The following DOCK3 variants were observed in gnomAD, a reference collection of about 807,000 sequenced individuals.
The protein encoded by DOCK3 is dedicator of cytokinesis protein 3.
In DOCK3, 60 loss-of-function variants were observed where a neutral mutation model predicts 265.6. The observed-to-expected ratio is 0.23, with a 90% CI of 0.18 to 0.28. The LOEUF is 0.28. DOCK3 is among the 10% of genes least tolerant of loss of function. DOCK3 has a pLI of 1.00. For synonymous variants in DOCK3, 881 were observed against 938.0 expected (o/e 0.94, Z 1.11); for missense variants, 1,981 against 2,594.3 (o/e 0.76, Z 5.14).
chr3:50,962,808 C>T (rs1399512428), intron 5 of DOCK3, among the ~76,000 whole-genome samples: 1 of 152,216 alleles, frequency 6.6e-6, no homozygotes, highest in African/African-American at 2.4e-5. Flanking sequence ...CAACCATATG[C>T]AGCGTATGTA....
At chr3:50,945,817 T>C (rs2076411109) in intron 5 of DOCK3, among the ~76,000 whole-genome samples, 1 of 152,160 alleles carries the variant, frequency 6.6e-6, no homozygotes, top group African/African-American at 2.4e-5. Flanking sequence ...GAAACAGATT[T>C]CCTGAATTCA....
chr3:51,033,962 T>A (rs2080154008), intron 5 of DOCK3, among the ~76,000 whole-genome samples: 1 of 152,214 alleles, frequency 6.6e-6, no homozygotes, highest in South Asian at 2.1e-4. Context: ...TTGATGTTTG[T>A]TCTTTTTTCA....
chr3:50,758,578 T>TA (rs922070810), intron 1 of DOCK3, among the ~76,000 whole-genome samples: 4 of 152,240 alleles, frequency 2.6e-5, no homozygotes, highest in Admixed American at 2.6e-4. Flanking sequence ...ATCAAGTACA[T>TA]ACATACTGTT....
At chr3:50,920,035 T>C (rs1281255690) in intron 4 of DOCK3, among the ~76,000 whole-genome samples, 1 of 152,222 alleles carries the variant, frequency 6.6e-6, no homozygotes, top group Admixed American at 6.5e-5. Flanking sequence ...TGGTTCTGTT[T>C]ATATGATGGA....
chr3:51,258,015 A>G (rs991695656), intron 22 of DOCK3, among the ~76,000 whole-genome samples: 1 of 152,174 alleles, frequency 6.6e-6, no homozygotes, highest in Admixed American at 6.5e-5. Context: ...CCAGGTTTTC[A>G]TGGAGACTTC....
chr3:51,143,133 T>C (rs1460333391), intron 9 of DOCK3, among the ~76,000 whole-genome samples: 4 of 152,054 alleles, frequency 2.6e-5, no homozygotes, highest in Non-Finnish European at 4.4e-5. Flanking sequence ...GTGATCTGCC[T>C]GCCTCGGCCT....
At chr3:51,218,667 T>C (rs530349348) in intron 14 of DOCK3, among the ~76,000 whole-genome samples, 1 of 152,242 alleles carries the variant, frequency 6.6e-6, no homozygotes, top group Non-Finnish European at 1.5e-5. Context: ...AGGTTATCAT[T>C]GATTGTAGGT....
intron 3 of DOCK3, among the ~76,000 whole-genome samples, chr3:50,868,523 A>C (rs1301423234): frequency 6.6e-6 from 1 of 151,730 alleles, no homozygotes; most frequent in African/African-American, 2.4e-5. Flanking sequence ...ACAGGCACAC[A>C]CCATCACACC....
At chr3:50,727,067 G>C (rs1373390876) in intron 1 of DOCK3, among the ~76,000 whole-genome samples, 1 of 146,904 alleles carries the variant, frequency 6.8e-6, no homozygotes, top group Non-Finnish European at 1.5e-5. Context: ...AACAGAGGAG[G>C]CACAGAAGAA....
chr3:51,006,697 A>G (rs1194811937), intron 5 of DOCK3, among the ~76,000 whole-genome samples: 1 of 152,094 alleles, frequency 6.6e-6, no homozygotes, highest in African/African-American at 2.4e-5. Context: ...ATATGTATAC[A>G]TGTGCTGTGT....
At chr3:51,366,130 G>T (rs1376814776) in intron 49 of DOCK3, among the ~76,000 whole-genome samples, 7 of 152,032 alleles carry the variant, frequency 4.6e-5, no homozygotes, top group Non-Finnish European at 8.8e-5. Flanking sequence ...ACTTTTTTTG[G>T]TTGGGAGGCT....
At position 51,237,503 on chromosome 3, in the gene DOCK3, A is replaced by T. The variant is rs762778994; in HGVS notation, c.2015A>T (p.Asn672Ile). ...LVFQSLVFII[N>I]LLRDIKYFHF... The stretch of plus-strand genomic sequence containing the variant: ...CATATCTCCCAGGTGTTCATCATCA[A>T]CCTGCTCCGAGACATCAAGTATTTT... The change falls in exon 21 of 53, where the codon AAC becomes ATC. Residue 672 changes from asparagine to isoleucine, a missense_variant. Physicochemically the swap from Asn to Ile is moderately radical, Grantham distance 149. Transcript: ENST00000266037. The T allele has an allele frequency of 2.5e-6, 4 of 1,613,504 alleles. No homozygotes were observed. In the East Asian group the frequency reaches 8.9e-5, roughly 36 times the overall value.
intron 5 of DOCK3, among the ~76,000 whole-genome samples, chr3:50,982,143 C>G (rs2077717680): frequency 6.6e-6 from 1 of 152,164 alleles, no homozygotes; most frequent in African/African-American, 2.4e-5. Flanking sequence ...ACCACTGCCC[C>G]TGGCCTTAGT....
At chr3:51,191,029 C>T (rs1479898428) in intron 12 of DOCK3, among the ~76,000 whole-genome samples, 2 of 152,194 alleles carry the variant, frequency 1.3e-5, no homozygotes, top group Non-Finnish European at 2.9e-5. Flanking sequence ...CCAGCTCTTA[C>T]ATAGTTGGCA....
At chr3:50,826,696 G>C (rs557811457) in intron 2 of DOCK3, among the ~76,000 whole-genome samples, 2 of 152,104 alleles carry the variant, frequency 1.3e-5, no homozygotes, top group Non-Finnish European at 2.9e-5. Flanking sequence ...TGTGAAACAG[G>C]AACTGGATAC....
At chr3:50,774,406 T>A (rs2108492680) in intron 1 of DOCK3, among the ~76,000 whole-genome samples, 1 of 152,190 alleles carries the variant, frequency 6.6e-6, no homozygotes, top group South Asian at 2.1e-4. Flanking sequence ...TATAGCTTCT[T>A]GTGTAGAGTT....
At chr3:50,683,465 A>G (rs2034553883) in intron 1 of DOCK3, among the ~76,000 whole-genome samples, 1 of 152,170 alleles carries the variant, frequency 6.6e-6, no homozygotes, top group Admixed American at 6.5e-5. Context: ...ATTGTCCTAG[A>G]GGGGAATTAT....
intron 10 of DOCK3, among the ~76,000 whole-genome samples, chr3:51,149,325 C>CTTTATTTCTTTCTTTA: frequency 6.6e-6 from 1 of 152,216 alleles, no homozygotes; most frequent in South Asian, 2.1e-4. Flanking sequence ...ATTCAGTACC[C>CTTTATTTCTTTCTTTA]TTTATTTCTT....
At chr3:50,773,686 TACACCTTTGATCTTAG>T (rs1225041804) in intron 1 of DOCK3, among the ~76,000 whole-genome samples, 1 of 152,140 alleles carries the variant, frequency 6.6e-6, no homozygotes, top group Non-Finnish European at 1.5e-5. Context: ...AAGCTTAGAA[TACACCTTTGATCTTAG>T]ACAGCTATAT....
Sources: gnomAD v4.1 joint callset for allele counts (sites outside exome capture counted in the v4.1 genomes callset) on GRCh38, gnomAD v4.1.1 for gene constraint, MANE v1.5 for transcripts, NCBI Gene and HGNC (gene_info 2026-07-23, HGNC 2026-07-21) for gene names.